Variants in PRKCE observed in about 807,000 individuals in gnomAD.
PRKCE encodes the protein protein kinase C epsilon.
A neutral mutation model predicts 85.4 loss-of-function variants in PRKCE; 16 were observed. That is an observed-to-expected ratio of 0.19 (90% CI 0.13 to 0.28). The LOEUF is 0.28. Ranked by LOEUF, PRKCE falls within the 10% of genes least tolerant of loss-of-function variation. The probability of loss-of-function intolerance (pLI) is 1.00; values close to 1 mark genes in which losing one functional copy is unlikely to be tolerated. For synonymous variants in PRKCE, 388 were observed against 371.5 expected (o/e 1.04, Z -0.51); for missense variants, 573 against 975.2 (o/e 0.59, Z 5.49).
chr2:46,175,415 T>C (rs1456756350), intron 14 of PRKCE, among the ~76,000 whole-genome samples: 1 of 152,250 alleles, frequency 6.6e-6, no homozygotes, highest in Admixed American at 6.5e-5. Context: ...TGATCTTAGA[T>C]ATATTGAGGA....
intron 10 of PRKCE, among the ~76,000 whole-genome samples, chr2:46,084,541 G>A (rs1241900678): frequency 6.6e-6 from 1 of 152,028 alleles, no homozygotes; most frequent in Admixed American, 6.5e-5. Context: ...GGCCAACATG[G>A]TGAAACGCCA....
chr2:45,760,885 T>C (rs1429801439), intron 1 of PRKCE, among the ~76,000 whole-genome samples: 1 of 152,152 alleles, frequency 6.6e-6, no homozygotes, highest in Non-Finnish European at 1.5e-5. Flanking sequence ...GCACGTCTGA[T>C]TCCAGAGTCC....
At chr2:45,717,912 G>T (rs1172704936) in intron 1 of PRKCE, among the ~76,000 whole-genome samples, 2 of 152,188 alleles carry the variant, frequency 1.3e-5, no homozygotes, top group Non-Finnish European at 2.9e-5. Context: ...GCCCCATATT[G>T]TACCTCTTGT....
intron 11 of PRKCE, among the ~76,000 whole-genome samples, chr2:46,131,263 A>T (rs537804994): frequency 6.6e-6 from 1 of 152,254 alleles, no homozygotes; most frequent in South Asian, 2.1e-4. Context: ...GGCCCTGGAG[A>T]GGGAACTCTA....
At chr2:45,687,787 A>G (rs1402963657) in intron 1 of PRKCE, among the ~76,000 whole-genome samples, 1 of 152,244 alleles carries the variant, frequency 6.6e-6, no homozygotes, top group Admixed American at 6.5e-5. Context: ...CATTATTCCA[A>G]TATTTCAGAA....
intron 6 of PRKCE, among the ~76,000 whole-genome samples, chr2:45,996,055 A>C (rs1254541297): frequency 6.6e-6 from 1 of 152,154 alleles, no homozygotes; most frequent in Admixed American, 6.5e-5. Flanking sequence ...TTGTAGTTCT[A>C]CTTATATAGA....
intron 1 of PRKCE, among the ~76,000 whole-genome samples, chr2:45,695,991 C>T (rs1396287787): frequency 6.6e-6 from 1 of 152,022 alleles, no homozygotes; most frequent in Non-Finnish European, 1.5e-5. Flanking sequence ...GCACAATGTG[C>T]AGGTTAGTTA....
chr2:46,042,249 AGTCT>A (rs1708258621), intron 10 of PRKCE, among the ~76,000 whole-genome samples: 1 of 152,092 alleles, frequency 6.6e-6, no homozygotes, highest in Admixed American at 6.5e-5. Flanking sequence ...GCTGACACAC[AGTCT>A]GTCTGGGTGA....
intron 1 of PRKCE, among the ~76,000 whole-genome samples, chr2:45,725,848 C>T (rs989486366): frequency 7.3e-5 from 11 of 150,920 alleles, no homozygotes; most frequent in Non-Finnish European, 1.5e-4. Flanking sequence ...AACAAAAAAC[C>T]GCCACCAACA....
At chr2:45,778,986 A>G (rs1685971375) in intron 1 of PRKCE, among the ~76,000 whole-genome samples, 1 of 152,224 alleles carries the variant, frequency 6.6e-6, no homozygotes, top group South Asian at 2.1e-4. Context: ...TGTTTTGTGT[A>G]CGCAGAACGA....
chr2:45,916,612 C>G (rs553852542), intron 2 of PRKCE, among the ~76,000 whole-genome samples: 20 of 152,326 alleles, frequency 1.3e-4, no homozygotes, highest in African/African-American at 4.1e-4. Flanking sequence ...TTGACATCCT[C>G]TCAAATTGAG....
intron 2 of PRKCE, among the ~76,000 whole-genome samples, chr2:45,959,491 G>T (rs1701235769): frequency 6.6e-6 from 1 of 152,132 alleles, no homozygotes. Flanking sequence ...AGAAGATCAT[G>T]TTTATTTAAA....
chr2:45,768,440 G>A (rs1317920201), intron 1 of PRKCE, among the ~76,000 whole-genome samples: 1 of 152,138 alleles, frequency 6.6e-6, no homozygotes, highest in Non-Finnish European at 1.5e-5. Context: ...CCCCTTTCAT[G>A]ATTTCTCATT....
At chr2:45,677,439 C>T (rs1046645630) in intron 1 of PRKCE, among the ~76,000 whole-genome samples, 4 of 151,348 alleles carry the variant, frequency 2.6e-5, no homozygotes, top group Admixed American at 2.6e-4. Flanking sequence ...TCACTGCAAG[C>T]TCCGCTTCCC....
intron 14 of PRKCE, among the ~76,000 whole-genome samples, chr2:46,168,907 C>T (rs905464092): frequency 1.5e-4 from 23 of 152,146 alleles, no homozygotes; most frequent in African/African-American, 5.6e-4. Context: ...TAAGCAATGC[C>T]CTCCTGCCTA....
chr2:46,039,055 C>T (rs1025576886), intron 10 of PRKCE, among the ~76,000 whole-genome samples: 7 of 152,026 alleles, frequency 4.6e-5, no homozygotes, highest in African/African-American at 1.2e-4. Flanking sequence ...TAATGGCTAA[C>T]GTAGTTGAGA....
intron 14 of PRKCE, among the ~76,000 whole-genome samples, chr2:46,174,159 G>A (rs1251937599): frequency 6.6e-6 from 1 of 152,256 alleles, no homozygotes; most frequent in African/African-American, 2.4e-5. Context: ...AGATTGTGGG[G>A]AAGGGGCCTG....
At chr2:45,661,285 C>T (rs1369318968) in intron 1 of PRKCE, among the ~76,000 whole-genome samples, 22 of 151,752 alleles carry the variant, frequency 1.4e-4, no homozygotes, top group African/African-American at 2.7e-4. Flanking sequence ...CGGGTTCAAG[C>T]GATTCTCCTG....
chr2:46,165,377 A>G (rs1678235375), intron 14 of PRKCE, among the ~76,000 whole-genome samples: 1 of 152,180 alleles, frequency 6.6e-6, no homozygotes, highest in Admixed American at 6.5e-5. Flanking sequence ...ACTCAAGTCA[A>G]TTTTCCGGGG....
Sources: gnomAD v4.1 joint callset for allele counts (sites outside exome capture counted in the v4.1 genomes callset) on GRCh38, gnomAD v4.1.1 for gene constraint, MANE v1.5 for transcripts, NCBI Gene and HGNC (gene_info 2026-07-23, HGNC 2026-07-21) for gene names.